The following ZNF516 variants were observed in gnomAD, a reference collection of about 807,000 sequenced individuals.
ZNF516 encodes the protein zinc finger protein 516.
Under a neutral mutation model 79.7 loss-of-function variants are expected in ZNF516, and 19 were observed. That is an observed-to-expected ratio of 0.24 (90% CI 0.17 to 0.35). ZNF516 has a LOEUF of 0.35. ZNF516 is among the 10% of genes least tolerant of loss of function. The probability of loss-of-function intolerance (pLI) is 1.00; values close to 1 mark genes in which losing one functional copy is unlikely to be tolerated. For missense variants in ZNF516, 1,678 were observed against 1,679.5 expected, an observed-to-expected ratio of 1.00 and a Z score of 0.02; for synonymous variants, 877 against 739.5, an observed-to-expected ratio of 1.19 and a Z score of -3.02.
chr18:76,396,100 C>T (rs143514578), intron 3 of ZNF516, among the ~76,000 whole-genome samples: 162 of 152,300 alleles, frequency 1.1e-3, no homozygotes, highest in Admixed American at 2.0e-3. Flanking sequence ...AGATGGTGCT[C>T]AGGGCTGACA....
rs1218515212 is a variant in ZNF516, at chr18:76,484,415, A to C, written c.-272+10729T>G. Among the ~76,000 whole-genome samples, 3 of 152,348 alleles carry C rather than the reference A, an allele frequency of 2.0e-5. No homozygotes were observed. In the East Asian group the frequency reaches 5.8e-4, roughly 29 times the overall value. ...AAGAAACATAAACAATCACGAAAGC[A>C]AATGCTTTCCTTCACGGTCATTACA... On this transcript the variant is annotated intron_variant, in intron 1 of 6. Coordinates refer to ENST00000443185, the MANE Select transcript of ZNF516 (RefSeq NM_014643.4).
At chr18:76,384,747 C>T (rs1181045939) in intron 3 of ZNF516, among the ~76,000 whole-genome samples, 1 of 151,952 alleles carries the variant, frequency 6.6e-6, no homozygotes, top group Non-Finnish European at 1.5e-5. Context: ...GGTTCCGTGG[C>T]TCCCATGCCA....
In ZNF516 at chr18:76,359,454, A is replaced by G. The variant is rs2074499885; in HGVS notation, c.*3044T>C. On this transcript the variant is annotated 3_prime_UTR_variant, in exon 7 of 7. Coordinates refer to ENST00000443185, the MANE Select transcript of ZNF516 (RefSeq NM_014643.4). ...ATCTGACTTTTGAGAGAATTTAAATATTCATTCTTCAAATTAAGGAATACA... is the reference window on the plus strand; with the variant it reads ...ATCTGACTTTTGAGAGAATTTAAATGTTCATTCTTCAAATTAAGGAATACA... 2.0e-5 allele frequency: 3 copies of G among 152,248 alleles called. No individual in the cohort carries two copies. Among genetic ancestry groups the G allele is most frequent in the Non-Finnish European group, 4.4e-5 (3 of 68,042 alleles). The allele number at this position is 152,248 out of a possible 1,614,324, so 9.4% of individuals were successfully genotyped here.
chr18:76,397,441 A>C (rs565100325), intron 3 of ZNF516, among the ~76,000 whole-genome samples: 1 of 152,350 alleles, frequency 6.6e-6, no homozygotes, highest in East Asian at 1.9e-4. Flanking sequence ...TGGTATTATA[A>C]AATTTTGATA....
chr18:76,425,024 G>A (rs1334651513), intron 3 of ZNF516, among the ~76,000 whole-genome samples: 1 of 146,622 alleles, frequency 6.8e-6, no homozygotes, highest in Non-Finnish European at 1.5e-5. Flanking sequence ...CAGGTGAAAA[G>A]GTTCCCCCGA....
rs374464151 is a variant in ZNF516, at chr18:76,480,529, A to ATATATAT, written c.-272+14614_-272+14615insATATATA. 1.6e-3 allele frequency among the ~76,000 whole-genome samples: 230 copies of ATATATAT among 142,020 alleles called. 1 individual carries two copies. The highest frequency in any genetic ancestry group is 0.011 in the Middle Eastern group (3 of 272). 93.2% of individuals were successfully genotyped at this position (142,020 alleles called of 152,430 possible). The stretch of plus-strand genomic sequence containing the variant: ...CACACACACACACACACACACATAT[A>ATATATAT]TTTTTTTTTTTGAGACGGAGTCTTG... On this transcript the variant is annotated intron_variant, in intron 1 of 6. Coordinates refer to ENST00000443185, the MANE Select transcript of ZNF516 (RefSeq NM_014643.4).
chr18:76,480,467 A>G (rs1914444318), intron 1 of ZNF516, among the ~76,000 whole-genome samples: 1 of 150,370 alleles, frequency 6.7e-6, no homozygotes, highest in South Asian at 2.1e-4. Context: ...TGGTTTTTAC[A>G]TATATATACA....
chr18:76,404,340 T>C (rs2075271479), intron 3 of ZNF516, among the ~76,000 whole-genome samples: 1 of 135,046 alleles, frequency 7.4e-6, no homozygotes, highest in African/African-American at 2.9e-5. Flanking sequence ...CGTGTGTATG[T>C]GTGAGTGCAT....
chr18:76,378,908 A>G lies in ZNF516; in HGVS notation c.3206T>C (p.Phe1069Ser). Residue 1069 changes from phenylalanine (F) to serine (S), a missense_variant, in exon 4 of 7, where the codon TTT becomes TCT. Transcript: ENST00000443185. ...NIFKTYIPKD[F>S]ATLYQGWGVS... ...ACCCCATCCCTGGTAGAGGGTCGCAAAGTCCTTTGGAATGTACGTCTTAAA... is the reference window on the plus strand; with the variant it reads ...ACCCCATCCCTGGTAGAGGGTCGCAGAGTCCTTTGGAATGTACGTCTTAAA... 6.2e-7 allele frequency: 1 copy of G among 1,613,812 alleles called. No homozygotes were observed. The highest frequency in any genetic ancestry group is 8.5e-7 in the Non-Finnish European group (1 of 1,179,812).
intron 3 of ZNF516, 147 bp from the exon 4 acceptor site, chr18:76,380,450 C>T (rs920534626): frequency 4.2e-5 from 38 of 914,774 alleles, no homozygotes; most frequent in Non-Finnish European, 5.9e-5. Context: ...CTTAGAAAAC[C>T]CCTGAGGAGC....
At chr18:76,471,759 C>T (rs1913855815) in intron 1 of ZNF516, among the ~76,000 whole-genome samples, 3 of 152,162 alleles carry the variant, frequency 2.0e-5, no homozygotes, top group South Asian at 2.1e-4. Flanking sequence ...GCTGCCAGTC[C>T]GTGGAGGCTA....
At chr18:76,400,801 A>G (rs1599184856) in intron 3 of ZNF516, among the ~76,000 whole-genome samples, 1 of 152,230 alleles carries the variant, frequency 6.6e-6, no homozygotes, top group South Asian at 2.1e-4. Flanking sequence ...CCAGTCCACC[A>G]TGGATACCTA....
chr18:76,408,459 A>G (rs1229366744), intron 3 of ZNF516, among the ~76,000 whole-genome samples: 1 of 152,208 alleles, frequency 6.6e-6, no homozygotes, highest in African/African-American at 2.4e-5. Context: ...ATTAAGAAGA[A>G]GTGCATGGCT....
chr18:76,437,013 G>A (rs2075748345), intron 3 of ZNF516, among the ~76,000 whole-genome samples: 2 of 150,884 alleles, frequency 1.3e-5, no homozygotes, highest in South Asian at 4.2e-4. Context: ...GTTGCAGGGA[G>A]CTGAGATTGT....
intron 3 of ZNF516, chr18:76,385,671 TGCTG>T (rs1018485917): frequency 1.1e-4 from 16 of 152,328 alleles, no homozygotes; most frequent in African/African-American, 3.8e-4. Flanking sequence ...AGGAGCGCCC[TGCTG>T]GCTGTCACTC....
At chr18:76,369,266 G>GT (rs1484368831) in intron 6 of ZNF516, among the ~76,000 whole-genome samples, 1 of 152,074 alleles carries the variant, frequency 6.6e-6, no homozygotes, top group Non-Finnish European at 1.5e-5. Flanking sequence ...TACTTATTTC[G>GT]TAAGTTGTCA....
chr18:76,490,115 T>C, intron 1 of ZNF516: 1 of 976,600 alleles, frequency 1.0e-6, no homozygotes, highest in Non-Finnish European at 1.2e-6. Context: ...TCAAATTCAA[T>C]TACCAAAATA....
chr18:76,441,947 C>T lies in ZNF516; in HGVS notation c.1108G>A (p.Glu370Lys), dbSNP rs779230192. 2.5e-6 allele frequency: 4 copies of T among 1,611,148 alleles called. No individual in the cohort carries two copies. Among genetic ancestry groups the T allele is most frequent in the Non-Finnish European group, 3.4e-6 (4 of 1,179,318 alleles). ...VEASRTRAPA[E>K]EGAEGPSDTK... ...TCCGAGGGCCCCTCCGCCCCCTCCT[C>T]GGCCGGGGCGCGCGTGCGGCTGGCC... Residue 370 changes from glutamate (E) to lysine (K), a missense_variant, in exon 3 of 7, where the codon GAG becomes AAG. Transcript: ENST00000443185.
chr18:76,430,496 T>C (rs555863501), intron 3 of ZNF516, among the ~76,000 whole-genome samples: 2 of 152,210 alleles, frequency 1.3e-5, no homozygotes, highest in African/African-American at 2.4e-5. Flanking sequence ...AATGTCTATA[T>C]TGGAATCAAT....
Sources: gnomAD v4.1 joint callset for allele counts (sites outside exome capture counted in the v4.1 genomes callset) on GRCh38, gnomAD v4.1.1 for gene constraint, MANE v1.5 for transcripts, NCBI Gene and HGNC (gene_info 2026-07-23, HGNC 2026-07-21) for gene names.